Variants in RSF1 observed in about 807,000 individuals in gnomAD.
RSF1 encodes the protein remodeling and spacing factor 1.
A neutral mutation model predicts 145.2 loss-of-function variants in RSF1; 13 were observed. The observed-to-expected ratio is 0.09, with a 90% confidence interval of 0.06 to 0.14. RSF1 has a LOEUF of 0.14. RSF1 is among the 10% of genes least tolerant of loss of function. The pLI is 1.00. For missense variants in RSF1, 1,517 were observed against 1,718.2 expected, an observed-to-expected ratio of 0.88 and a Z score of 2.07; for synonymous variants, 577 against 592.6, an observed-to-expected ratio of 0.97 and a Z score of 0.38.
the RSF1 span, chr11:77,869,772 T>G: frequency 1.9e-6 from 3 of 1,613,854 alleles, no homozygotes; most frequent in Non-Finnish European, 2.5e-6. Flanking sequence ...TTGAGAAGGG[T>G]GTACAGACTC....
At chr11:77,840,803 CAT>C in the RSF1 span, among the ~76,000 whole-genome samples, 1 of 152,024 alleles carries the variant, frequency 6.6e-6, no homozygotes, top group African/African-American at 2.4e-5. Context: ...TTTTAGATAA[CAT>C]ATTGTAGGAC....
chr11:77,826,678 CA>C, the RSF1 span, among the ~76,000 whole-genome samples: 35 of 152,216 alleles, frequency 2.3e-4, no homozygotes, highest in African/African-American at 8.2e-4. Flanking sequence ...GAAACAGACA[CA>C]CCAGACCCTA....
chr11:77,665,502 A>C lies in RSF1; in HGVS notation c.*1415T>G, dbSNP rs1217228814. 1 of 152,188 alleles carries C rather than the reference A, an allele frequency of 6.6e-6. No individual in the cohort carries two copies. Among genetic ancestry groups the C allele is most frequent in the Non-Finnish European group, 1.5e-5 (1 of 68,020 alleles). The allele number at this position is 152,188 out of a possible 1,614,324, so 9.4% of individuals were successfully genotyped here. Reference sequence around the variant, plus strand: ...CTATAACAGAAACTAAATAAGACAAAGTTCATATTTTAGTGTCAATTACAT... The same window carrying C: ...CTATAACAGAAACTAAATAAGACAACGTTCATATTTTAGTGTCAATTACAT... On this transcript the variant is annotated 3_prime_UTR_variant, in exon 16 of 16. Coordinates refer to ENST00000308488, the MANE Select transcript of RSF1 (RefSeq NM_016578.4).
chr11:77,695,650 C>T (rs1240421084), intron 7 of RSF1, among the ~76,000 whole-genome samples: 2 of 151,900 alleles, frequency 1.3e-5, no homozygotes, highest in Non-Finnish European at 2.9e-5. Context: ...TGTATTTTCC[C>T]TGCCCAAGCC....
intron 11 of RSF1, 122 bp downstream of exon 11, chr11:77,683,588 G>A: frequency 1.8e-6 from 1 of 560,058 alleles, no homozygotes; most frequent in Non-Finnish European, 3.0e-6. Context: ...AAGATGGAAG[G>A]CAAGAAATAT....
At position 77,663,272 on chromosome 11, in the gene RSF1, A is replaced by T. The variant is rs941088456; in HGVS notation, c.*3645T>A. 3 of 152,162 alleles carry T rather than the reference A, an allele frequency of 2.0e-5. No individual in the cohort carries two copies. The highest frequency in any genetic ancestry group is 2.9e-5 in the Non-Finnish European group (2 of 68,016). The allele number at this position is 152,162 out of a possible 1,614,324, so 9.4% of individuals were successfully genotyped here. On this transcript the variant is annotated 3_prime_UTR_variant, in exon 16 of 16. Transcript: ENST00000308488. ...AAAAAAGCATTCCTTGTGACAAAGG[A>T]CACCCCACCAGTCCCACTTAAAAAC... is the stretch of plus-strand genomic sequence containing the variant.
In RSF1 at chr11:77,691,438, C is replaced by T. The variant is rs138061437; in HGVS notation, c.2821-200G>A. 1.1e-4 allele frequency among the ~76,000 whole-genome samples: 17 copies of T among 152,224 alleles called. No homozygotes were observed. In the East Asian group the frequency reaches 2.9e-3, roughly 26 times the overall value. On this transcript the variant is annotated intron_variant, in intron 8 of 15. Coordinates refer to ENST00000308488, the MANE Select transcript of RSF1 (RefSeq NM_016578.4). ...CACAGTACCTTTGAAATAAAGCACA[C>T]GTTAAAGAAACATACAGCTTTGCCA... is the stretch of plus-strand genomic sequence containing the variant.
chr11:77,680,483 T>C (rs1030932446), intron 11 of RSF1, among the ~76,000 whole-genome samples: 1 of 151,588 alleles, frequency 6.6e-6, no homozygotes, highest in Non-Finnish European at 1.5e-5. Flanking sequence ...GAAGTGGCTG[T>C]ATACACCCAT....
intron 1 of RSF1, among the ~76,000 whole-genome samples, chr11:77,779,572 G>A (rs988031215): frequency 6.6e-6 from 1 of 150,944 alleles, no homozygotes; most frequent in African/African-American, 2.4e-5. Context: ...AGTAGAGATG[G>A]GGTTTCTCCA....
chr11:77,856,441 G>A, the RSF1 span, among the ~76,000 whole-genome samples: 1 of 152,060 alleles, frequency 6.6e-6, no homozygotes, highest in African/African-American at 2.4e-5. Context: ...TTCCATAGCT[G>A]CTTCCACATT....
At chr11:77,837,250 C>T in the RSF1 span, among the ~76,000 whole-genome samples, 1 of 151,068 alleles carries the variant, frequency 6.6e-6, no homozygotes, top group Non-Finnish European at 1.5e-5. Context: ...ATTCTCCTGC[C>T]TCAGTCTACC....
intron 1 of RSF1, among the ~76,000 whole-genome samples, chr11:77,780,696 A>G (rs1948393502): frequency 6.6e-6 from 1 of 152,006 alleles, no homozygotes. Flanking sequence ...GTGGTGGCAC[A>G]TGCTGGTAGT....
the RSF1 span, among the ~76,000 whole-genome samples, chr11:77,860,932 A>G: frequency 1.3e-5 from 2 of 151,912 alleles, no homozygotes; most frequent in Admixed American, 6.6e-5. Context: ...GGGTTTCTAT[A>G]CCCCTAAAAT....
intron 9 of RSF1, among the ~76,000 whole-genome samples, chr11:77,687,632 G>A (rs1467264365): frequency 6.6e-6 from 1 of 152,086 alleles, no homozygotes. Context: ...ACTTAAAGAT[G>A]GGAGGCAGAG....
chr11:77,771,284 T>C (rs919362000), intron 1 of RSF1, among the ~76,000 whole-genome samples: 7 of 152,128 alleles, frequency 4.6e-5, no homozygotes, highest in African/African-American at 9.7e-5. Context: ...ATTTTTGTCA[T>C]TGAAAGGGAA....
At chr11:77,832,296 G>A in the RSF1 span, among the ~76,000 whole-genome samples, 1 of 151,068 alleles carries the variant, frequency 6.6e-6, no homozygotes, top group Non-Finnish European at 1.5e-5. Context: ...GAGTTTATAA[G>A]TTTATAAAAA....
intron 1 of RSF1, among the ~76,000 whole-genome samples, chr11:77,775,252 A>T (rs1948330296): frequency 6.6e-6 from 1 of 151,864 alleles, no homozygotes; most frequent in Non-Finnish European, 1.5e-5. Flanking sequence ...CCATCTCAAA[A>T]AAAAAAAAAA....
rs10661397 is a variant in RSF1, at chr11:77,785,925, CAAAAAAAAAAAAAAA to C, written c.188-21251_188-21237del. On this transcript the variant is annotated intron_variant, in intron 1 of 15. Coordinates refer to ENST00000308488, the MANE Select transcript of RSF1 (RefSeq NM_016578.4). ...TGGGCGACAGAGTGAGATTCTGTCT[CAAAAAAAAAAAAAAA>C]AAAAAAAAAAAAAAGAATTATACGT... 2.0e-3 allele frequency among the ~76,000 whole-genome samples: 76 copies of C among 37,146 alleles called. 2 individuals carry two copies. Among genetic ancestry groups the C allele is most frequent in the Non-Finnish European group, 2.8e-3 (60 of 21,148 alleles). 24.4% of individuals were successfully genotyped at this position (37,146 alleles called of 152,430 possible).
chr11:77,671,716 T>C (rs1959556477), intron 15 of RSF1, among the ~76,000 whole-genome samples: 2 of 150,540 alleles, frequency 1.3e-5, no homozygotes, highest in Admixed American at 6.6e-5. Context: ...CTCACTGCAA[T>C]CTCCGCCTCC....
Sources: gnomAD v4.1 joint callset for allele counts (sites outside exome capture counted in the v4.1 genomes callset) on GRCh38, gnomAD v4.1.1 for gene constraint, MANE v1.5 for transcripts, NCBI Gene and HGNC (gene_info 2026-07-23, HGNC 2026-07-21) for gene names.